The following DTNB variants were observed in gnomAD, a reference collection of about 807,000 sequenced individuals.
The protein encoded by DTNB is DTN-B.
Under a neutral mutation model 90.7 loss-of-function variants are expected in DTNB, and 63 were observed. The observed-to-expected ratio is 0.69, with a 90% CI of 0.57 to 0.86. The LOEUF (loss-of-function observed/expected upper bound fraction) is 0.86. Ranked by LOEUF, DTNB falls within the 40% of genes least tolerant of loss-of-function variation. DTNB has a pLI of 0.00. For missense variants in DTNB, 744 were observed against 807.1 expected, an observed-to-expected ratio of 0.92 and a Z score of 0.95; for synonymous variants, 277 against 286.7, an observed-to-expected ratio of 0.97 and a Z score of 0.34.
At chr2:25,603,004 T>G (rs2066230718) in intron 5 of DTNB, among the ~76,000 whole-genome samples, 1 of 152,172 alleles carries the variant, frequency 6.6e-6, no homozygotes, top group South Asian at 2.1e-4. Context: ...TTCCTTAGGA[T>G]AAACTCAAGA....
intron 9 of DTNB, among the ~76,000 whole-genome samples, chr2:25,518,613 G>T (rs1051402725): frequency 2.0e-5 from 3 of 151,788 alleles, no homozygotes; most frequent in African/African-American, 7.3e-5. Context: ...ACACACACAT[G>T]CACACACACA....
intron 10 of DTNB, among the ~76,000 whole-genome samples, chr2:25,459,300 G>A (rs376996431): frequency 9.9e-4 from 150 of 151,586 alleles, no homozygotes; most frequent in Middle Eastern, 3.4e-3. Context: ...GGCTCAGTTC[G>A]TTTTCAGTCA....
At chr2:25,378,152 A>T (rs1462731987) in intron 20 of DTNB, among the ~76,000 whole-genome samples, 2 of 151,876 alleles carry the variant, frequency 1.3e-5, no homozygotes, top group Non-Finnish European at 2.9e-5. Context: ...CCCCGGGGAG[A>T]GAGGGGCTCT....
intron 9 of DTNB, among the ~76,000 whole-genome samples, chr2:25,519,366 A>AC: frequency 7.3e-6 from 1 of 137,096 alleles, no homozygotes; most frequent in South Asian, 2.3e-4. Flanking sequence ...CCCTGTTTCT[A>AC]CTTTTTTTTT....
At chr2:25,572,103 T>C (rs2059957011) in intron 8 of DTNB, among the ~76,000 whole-genome samples, 1 of 152,144 alleles carries the variant, frequency 6.6e-6, no homozygotes, top group Non-Finnish European at 1.5e-5. Context: ...GATCTCTGGA[T>C]ATGGCACAGT....
At chr2:25,569,766 C>T (rs1441720111) in intron 8 of DTNB, among the ~76,000 whole-genome samples, 1 of 152,140 alleles carries the variant, frequency 6.6e-6, no homozygotes, top group Non-Finnish European at 1.5e-5. Context: ...AAGTGAAGTG[C>T]AACTAATGAG....
intron 10 of DTNB, among the ~76,000 whole-genome samples, chr2:25,462,939 G>A (rs1285840619): frequency 2.0e-5 from 3 of 152,098 alleles, no homozygotes; most frequent in Non-Finnish European, 2.9e-5. Flanking sequence ...TGCTGACCTC[G>A]TGATCCACCC....
intron 8 of DTNB, among the ~76,000 whole-genome samples, chr2:25,568,031 G>A (rs1037743049): frequency 1.3e-5 from 2 of 151,996 alleles, no homozygotes; most frequent in African/African-American, 4.8e-5. Context: ...GGTGGTACGC[G>A]CCTGTAGTCC....
chr2:25,568,156 CA>C (rs11315733), intron 8 of DTNB, among the ~76,000 whole-genome samples: 9,876 of 91,414 alleles, frequency 0.11, 964 homozygotes, highest in African/African-American at 0.31. Flanking sequence ...GACTCCGTCT[CA>C]AAAAAAAAAA....
intron 2 of DTNB, among the ~76,000 whole-genome samples, chr2:25,652,105 T>A (rs776308134): frequency 8.3e-4 from 126 of 152,200 alleles, no homozygotes; most frequent in Non-Finnish European, 8.8e-4. Context: ...TTGAACTGTA[T>A]ACAACAATGT....
At chr2:25,639,186 A>G in intron 2 of DTNB, 92 bp from the exon 3 acceptor site, 1 of 1,250,076 alleles carries the variant, frequency 8.0e-7, no homozygotes, top group Non-Finnish European at 1.1e-6. Context: ...TTGTCATAGT[A>G]TACCAGTCAG....
intron 8 of DTNB, among the ~76,000 whole-genome samples, chr2:25,549,991 G>T (rs759564424): frequency 3.3e-5 from 5 of 152,030 alleles, no homozygotes; most frequent in Non-Finnish European, 7.4e-5. Flanking sequence ...TTCCAGCAAA[G>T]TCCTTAAAGT....
In DTNB at chr2:25,433,140, A is replaced by T. The variant is rs2054518876; in HGVS notation, c.1344-141T>A. 4.2e-6 allele frequency: 3 copies of T among 722,200 alleles called. No individual in the cohort carries two copies. The South Asian group carries it at 5.7e-5, about 14-fold the overall frequency. The allele number at this position is 722,200 out of a possible 1,614,324, so 44.7% of individuals were successfully genotyped here. On this transcript the variant is annotated intron_variant, in intron 13 of 20. Transcript: ENST00000406818. The stretch of plus-strand genomic sequence containing the variant: ...TTGCTTCCAAATGGCCAAGAGGTGA[A>T]ATGGACACCTTCTCAATACTGCTTC...
At chr2:25,656,929 G>A (rs373842659) in intron 1 of DTNB, among the ~76,000 whole-genome samples, 10 of 152,098 alleles carry the variant, frequency 6.6e-5, no homozygotes, top group South Asian at 2.1e-4. Flanking sequence ...ATCCCAGCAC[G>A]TTGGGAGGCC....
chr2:25,503,916 C>CA (rs938969035), intron 9 of DTNB, among the ~76,000 whole-genome samples: 13 of 139,474 alleles, frequency 9.3e-5, no homozygotes, highest in South Asian at 4.5e-4. Context: ...GACTCTGTCT[C>CA]AAAAAAAAGA....
rs556073197 is a variant in DTNB, at chr2:25,541,052, C to CA, written c.877-9456dup. ...TGATCAATTAAAAAAAAAAAGAAAA[C>CA]AAAAAAAAAAAAGAAAAGCTAGATG... On this transcript the variant is annotated intron_variant, in intron 8 of 20. Coordinates refer to ENST00000406818, the MANE Select transcript of DTNB (RefSeq NM_021907.5). Among the ~76,000 whole-genome samples, 284 of 117,298 alleles carry CA rather than the reference C, an allele frequency of 2.4e-3. 1 individual carries two copies. The highest frequency in any genetic ancestry group is 7.2e-3 in the East Asian group (30 of 4,142). 77.0% of individuals were successfully genotyped at this position (117,298 alleles called of 152,430 possible).
intron 1 of DTNB, among the ~76,000 whole-genome samples, chr2:25,668,431 C>T (rs985451792): frequency 3.9e-5 from 6 of 152,142 alleles, no homozygotes; most frequent in African/African-American, 1.4e-4. Flanking sequence ...TCTGTCTGTA[C>T]TGTTGAGTAT....
chr2:25,599,278 G>C (rs1190345496), intron 5 of DTNB, among the ~76,000 whole-genome samples: 2 of 151,530 alleles, frequency 1.3e-5, no homozygotes, highest in East Asian at 3.9e-4. Flanking sequence ...AATCCTGATT[G>C]ACATAAGCAA....
Position 25,651,585 on chromosome 2 carries a change from CTTT to C in DTNB, c.67+1006_67+1008del, listed in dbSNP as rs543139344. ...TGCCTATCCAATGCCAAAATTTCTTCTTTATCACCCCTAACAAATAGTTATCCA... is the reference window on the plus strand; with the variant it reads ...TGCCTATCCAATGCCAAAATTTCTTCATCACCCCTAACAAATAGTTATCCA... On this transcript the variant is annotated intron_variant, in intron 2 of 20. Coordinates refer to ENST00000406818, the MANE Select transcript of DTNB (RefSeq NM_021907.5). Among the ~76,000 whole-genome samples the C allele has an allele frequency of 3.9e-5, 6 of 152,316 alleles. No individual in the cohort carries two copies. The South Asian group carries it at 1.0e-3, about 26-fold the overall frequency.
Sources: allele counts gnomAD v4.1 joint callset (sites outside exome capture counted in the v4.1 genomes callset), GRCh38; gene constraint gnomAD v4.1.1; transcripts MANE v1.5; gene names NCBI Gene and HGNC (gene_info 2026-07-23, HGNC 2026-07-21).